The following GUCY1A2 variants were observed in gnomAD, a reference collection of about 807,000 sequenced individuals.
GUCY1A2 encodes guanylate cyclase 1 soluble subunit alpha 2.
Under a neutral mutation model 63.5 loss-of-function variants are expected in GUCY1A2, and 27 were observed. The observed-to-expected ratio is 0.43, with a 90% CI of 0.31 to 0.59. GUCY1A2 has a LOEUF of 0.59. Ranked by LOEUF, GUCY1A2 falls within the 20% of genes least tolerant of loss-of-function variation. The pLI, the probability that GUCY1A2 is intolerant of heterozygous loss-of-function variation, is 0.11. For missense variants in GUCY1A2, 768 were observed against 913.3 expected (o/e 0.84, Z 2.05); for synonymous variants, 364 against 343.5 (o/e 1.06, Z -0.66).
chr11:106,863,031 C>T (rs12363800), intron 4 of GUCY1A2, among the ~76,000 whole-genome samples: 12,162 of 152,100 alleles, frequency 0.08, 684 homozygotes, highest in Non-Finnish European at 0.12. Context: ...TATGCTGCCC[C>T]CTCTCACTGC....
intron 5 of GUCY1A2, among the ~76,000 whole-genome samples, chr11:106,777,673 C>A (rs890247810): frequency 5.5e-5 from 7 of 126,132 alleles, no homozygotes; most frequent in African/African-American, 3.2e-5. Context: ...CATGCTGGGG[C>A]CTGTCGGGGG....
At chr11:106,869,920 G>A (rs1241127811) in intron 4 of GUCY1A2, among the ~76,000 whole-genome samples, 1 of 152,118 alleles carries the variant, frequency 6.6e-6, no homozygotes, top group Non-Finnish European at 1.5e-5. Context: ...GGAATACTAT[G>A]CAGCCATAAA....
chr11:107,008,025 G>A lies in GUCY1A2; in HGVS notation c.303+9728C>T, dbSNP rs143068409. 1.4e-4 allele frequency among the ~76,000 whole-genome samples: 21 copies of A among 149,912 alleles called. 2 individuals are homozygous for A. In the East Asian group the frequency reaches 4.5e-3, roughly 32 times the overall value. ...CGGCCTGGTGCGGTGGCTCACGCCT[G>A]TAATCCCAGTACTTTGGGAGGCCAA... On this transcript the variant is annotated intron_variant, in intron 1 of 7. Transcript: ENST00000526355.
chr11:106,746,550 C>A (rs1863790385), intron 6 of GUCY1A2: 1 of 1,561,844 alleles, frequency 6.4e-7, no homozygotes, highest in African/African-American at 1.4e-5. Context: ...AAGCTCATTA[C>A]CTTTTCAGTA....
At chr11:106,842,072 GGAGA>G (rs1179059198) in intron 4 of GUCY1A2, among the ~76,000 whole-genome samples, 1 of 151,880 alleles carries the variant, frequency 6.6e-6, no homozygotes, top group South Asian at 2.1e-4. Flanking sequence ...GAGTGGGAGA[GGAGA>G]GAAAGTCTGG....
chr11:106,749,271 T>C (rs995870160), intron 6 of GUCY1A2, among the ~76,000 whole-genome samples: 4 of 152,070 alleles, frequency 2.6e-5, no homozygotes, highest in African/African-American at 9.6e-5. Flanking sequence ...TCAGATCATA[T>C]CCCTGTCATT....
At chr11:106,777,452 A>AAG (rs1864378154) in intron 5 of GUCY1A2, among the ~76,000 whole-genome samples, 1 of 151,630 alleles carries the variant, frequency 6.6e-6, no homozygotes, top group African/African-American at 2.4e-5. Flanking sequence ...TCTCAAAAAA[A>AAG]AAAAAAAAAA....
chr11:106,781,883 T>C (rs1223753209), intron 5 of GUCY1A2, among the ~76,000 whole-genome samples: 4 of 152,136 alleles, frequency 2.6e-5, no homozygotes, highest in East Asian at 3.9e-4. Flanking sequence ...ACCTTGTTTG[T>C]TTATTTTAGT....
chr11:106,762,760 G>T (rs1041558280), intron 6 of GUCY1A2, among the ~76,000 whole-genome samples: 1 of 151,940 alleles, frequency 6.6e-6, no homozygotes, highest in East Asian at 1.9e-4. Flanking sequence ...GTGATGATTT[G>T]GGACTCATTA....
intron 6 of GUCY1A2, among the ~76,000 whole-genome samples, chr11:106,722,082 T>TAAATGA (rs1422863404): frequency 1.3e-5 from 2 of 152,154 alleles, no homozygotes; most frequent in Admixed American, 6.5e-5. Context: ...AGCAGAAGAA[T>TAAATGA]AAATGAAAAT....
intron 7 of GUCY1A2, among the ~76,000 whole-genome samples, chr11:106,701,059 T>G (rs561309406): frequency 6.6e-6 from 1 of 152,300 alleles, no homozygotes; most frequent in Admixed American, 6.5e-5. Context: ...AATGTCATCA[T>G]TCTTCAATTA....
chr11:106,736,019 A>G (rs1261882922), intron 6 of GUCY1A2, among the ~76,000 whole-genome samples: 1 of 151,898 alleles, frequency 6.6e-6, no homozygotes, highest in Non-Finnish European at 1.5e-5. Context: ...CTCCCTACAT[A>G]TTCTGGTTTT....
intron 6 of GUCY1A2, among the ~76,000 whole-genome samples, chr11:106,764,665 T>C (rs994806934): frequency 5.3e-5 from 8 of 152,006 alleles, no homozygotes; most frequent in Non-Finnish European, 8.8e-5. Context: ...GGAGAGGACA[T>C]GTAAGAGAGA....
intron 3 of GUCY1A2, among the ~76,000 whole-genome samples, chr11:106,976,922 T>C (rs1158858192): frequency 8.1e-6 from 1 of 123,958 alleles, no homozygotes; most frequent in Non-Finnish European, 1.7e-5. Flanking sequence ...GCCAACAGTG[T>C]CCCCTGAAAA....
At chr11:106,952,563 G>A (rs1241165693) in intron 3 of GUCY1A2, among the ~76,000 whole-genome samples, 1 of 152,032 alleles carries the variant, frequency 6.6e-6, no homozygotes, top group Non-Finnish European at 1.5e-5. Flanking sequence ...GTAAAGGAGT[G>A]ACTGTGATTT....
intron 7 of GUCY1A2, among the ~76,000 whole-genome samples, chr11:106,704,401 G>T (rs1328603259): frequency 6.6e-6 from 1 of 152,166 alleles, no homozygotes; most frequent in Non-Finnish European, 1.5e-5. Flanking sequence ...TAAAGTTCAT[G>T]TAGACAGGAA....
chr11:106,749,944 T>C (rs1194328644), intron 6 of GUCY1A2, among the ~76,000 whole-genome samples: 1 of 152,094 alleles, frequency 6.6e-6, no homozygotes, highest in African/African-American at 2.4e-5. Flanking sequence ...ATTGGATCTA[T>C]GTATACATAG....
intron 4 of GUCY1A2, among the ~76,000 whole-genome samples, chr11:106,915,726 G>A (rs1033616301): frequency 6.9e-6 from 1 of 144,822 alleles, no homozygotes; most frequent in African/African-American, 2.4e-5. Flanking sequence ...TAATATAAAT[G>A]AGCCACGTAA....
intron 6 of GUCY1A2, among the ~76,000 whole-genome samples, chr11:106,755,337 C>T (rs994314791): frequency 1.3e-5 from 2 of 151,706 alleles, no homozygotes; most frequent in Non-Finnish European, 2.9e-5. Flanking sequence ...TTTTTTGTGT[C>T]TCTACCTCCT....
Sources: gnomAD v4.1 joint callset for allele counts (sites outside exome capture counted in the v4.1 genomes callset) on GRCh38, gnomAD v4.1.1 for gene constraint, MANE v1.5 for transcripts, NCBI Gene and HGNC (gene_info 2026-07-23, HGNC 2026-07-21) for gene names.